The following KLRG1 variants were observed in gnomAD, a reference collection of about 807,000 sequenced individuals.
KLRG1 encodes the protein killer cell lectin-like receptor subfamily G member 1.
KLRG1 carries 16 observed loss-of-function variants against 21.8 expected under a neutral mutation model. The observed-to-expected ratio is 0.73, with a 90% CI of 0.50 to 1.11. The LOEUF (loss-of-function observed/expected upper bound fraction) is 1.11. Ranked by LOEUF, KLRG1 falls within the 50% of genes most tolerant of loss-of-function variation. KLRG1 has a pLI of 0.00. For missense variants in KLRG1, 173 were observed against 218.3 expected, an observed-to-expected ratio of 0.79 and a Z score of 1.31; for synonymous variants, 69 against 75.9, an observed-to-expected ratio of 0.91 and a Z score of 0.47.
At chr12:9,075,454 A>T in the KLRG1 span, among the ~76,000 whole-genome samples, 1 of 152,226 alleles carries the variant, frequency 6.6e-6, no homozygotes, top group Non-Finnish European at 1.5e-5. Flanking sequence ...CATAAAAAAA[A>T]TCCATGAGGA....
Position 8,958,847 on chromosome 12 carries a change from A to G in KLRG1, c.-156+8611A>G, listed in dbSNP as rs1354802942. On this transcript the variant is annotated intron_variant, in intron 1 of 4. Coordinates refer to the KLRG1 transcript ENST00000539240. Reference sequence around the variant, plus strand: ...ACTCCAGCCTGGACAACAGAGTGATACCCTGTATCAAAAAAAAAAAAAAAT... The same window carrying G: ...ACTCCAGCCTGGACAACAGAGTGATGCCCTGTATCAAAAAAAAAAAAAAAT... Among the ~76,000 whole-genome samples, 4 of 134,782 alleles carry G rather than the reference A, an allele frequency of 3.0e-5. No homozygotes were observed. In the Admixed American group the frequency reaches 3.0e-4, roughly 10 times the overall value. The allele number at this position is 134,782 out of a possible 152,430, so 88.4% of individuals were successfully genotyped here. A position where few individuals can be genotyped will look rare whatever the true frequency, so the allele number is the denominator to read the frequency against.
At chr12:9,046,613 C>A in the KLRG1 span, among the ~76,000 whole-genome samples, 5 of 152,130 alleles carry the variant, frequency 3.3e-5, no homozygotes, top group South Asian at 1.0e-3. Flanking sequence ...ATATTTAAAG[C>A]ATTGAAAGAA....
chr12:9,198,748 A>C, the KLRG1 span, among the ~76,000 whole-genome samples: 1 of 152,190 alleles, frequency 6.6e-6, no homozygotes, highest in Non-Finnish European at 1.5e-5. Context: ...CTCTGAAATT[A>C]CTTCAAATAA....
intron 1 of KLRG1, among the ~76,000 whole-genome samples, chr12:8,975,606 T>C (rs1946645369): frequency 6.6e-6 from 1 of 152,070 alleles, no homozygotes; most frequent in South Asian, 2.1e-4. Context: ...TTCTGTTGCC[T>C]AGGCTGGAGT....
the KLRG1 span, chr12:9,116,278 A>C: frequency 4.0e-6 from 1 of 248,196 alleles, no homozygotes; most frequent in East Asian, 8.9e-5. Flanking sequence ...GGGCAGGCTC[A>C]AAATAGATAT....
chr12:9,016,966 A>G, the KLRG1 span, among the ~76,000 whole-genome samples: 1 of 152,232 alleles, frequency 6.6e-6, no homozygotes, highest in East Asian at 1.9e-4. Flanking sequence ...CACTCATTCT[A>G]TGAGGCCAGT....
At chr12:9,181,944 T>C in the KLRG1 span, 1 of 1,606,620 alleles carries the variant, frequency 6.2e-7, no homozygotes, top group Non-Finnish European at 8.5e-7. Flanking sequence ...CATTTATTTG[T>C]GTTCTTTTAA....
the KLRG1 span, chr12:9,072,547 C>T: frequency 1.2e-6 from 2 of 1,601,952 alleles, no homozygotes; most frequent in Non-Finnish European, 1.7e-6. Flanking sequence ...TGTCCACGTC[C>T]CTAACCCTTT....
the KLRG1 span, chr12:9,080,112 C>T: frequency 1.3e-6 from 2 of 1,588,282 alleles, no homozygotes; most frequent in Middle Eastern, 1.7e-4. Flanking sequence ...GAGACAGAAG[C>T]TCGGGCAGAT....
At chr12:9,076,384 T>G in the KLRG1 span, among the ~76,000 whole-genome samples, 2 of 152,234 alleles carry the variant, frequency 1.3e-5, no homozygotes, top group Non-Finnish European at 2.9e-5. Context: ...AGGAAGTTAA[T>G]GACTTTCCCA....
the KLRG1 span, among the ~76,000 whole-genome samples, chr12:9,088,085 TG>T: frequency 6.6e-6 from 1 of 152,112 alleles, no homozygotes; most frequent in Non-Finnish European, 1.5e-5. Flanking sequence ...GACAGGATGC[TG>T]AGTGAAAAAC....
At chr12:8,967,348 T>A (rs1367127666) in intron 1 of KLRG1, among the ~76,000 whole-genome samples, 1 of 151,788 alleles carries the variant, frequency 6.6e-6, no homozygotes, top group African/African-American at 2.4e-5. Flanking sequence ...TTTATAATAA[T>A]AAAATAAAAT....
upstream of KLRG1, among the ~76,000 whole-genome samples, chr12:8,985,849 C>T (rs1946835209): frequency 6.6e-6 from 1 of 152,122 alleles, no homozygotes; most frequent in Non-Finnish European, 1.5e-5. Flanking sequence ...CATCAGCATT[C>T]TTGCTGCTGA....
intron 2 of KLRG1, among the ~76,000 whole-genome samples, chr12:8,992,708 AT>A (rs1011939413): frequency 2.3e-4 from 34 of 148,810 alleles, no homozygotes; most frequent in Non-Finnish European, 3.4e-4. Context: ...TATTATTATT[AT>A]TTTTTTTTTT....
At chr12:8,983,492 C>CT (rs201839439) in intron 1 of KLRG1, among the ~76,000 whole-genome samples, 3,020 of 149,396 alleles carry the variant, frequency 0.02, 97 homozygotes, top group African/African-American at 0.071. Context: ...CCTCGGCCTC[C>CT]TGGGTTCAAG....
At chr12:9,171,632 TA>T in the KLRG1 span, among the ~76,000 whole-genome samples, 1 of 152,088 alleles carries the variant, frequency 6.6e-6, no homozygotes, top group African/African-American at 2.4e-5. Context: ...ATAGCCAGTT[TA>T]GAGAGGAACA....
At chr12:8,995,360 A>G in intron 3 of KLRG1, 72 bp downstream of exon 3, 1 of 1,248,074 alleles carries the variant, frequency 8.0e-7, no homozygotes, top group East Asian at 2.4e-5. Flanking sequence ...TGCTATTTAA[A>G]TGTATCATGT....
chr12:9,192,557 A>G, the KLRG1 span: 1 of 1,614,164 alleles, frequency 6.2e-7, no homozygotes, highest in South Asian at 1.1e-5. Context: ...TGGCCTGTCT[A>G]TTCAGTGTAT....
chr12:8,966,460 A>G (rs1264126378), intron 1 of KLRG1, among the ~76,000 whole-genome samples: 2 of 152,102 alleles, frequency 1.3e-5, no homozygotes, highest in Non-Finnish European at 2.9e-5. Context: ...GCTAATATCC[A>G]GAATCTACAA....
Sources: allele counts gnomAD v4.1 joint callset (sites outside exome capture counted in the v4.1 genomes callset), GRCh38; gene constraint gnomAD v4.1.1; transcripts MANE v1.5; gene names NCBI Gene and HGNC (gene_info 2026-07-23, HGNC 2026-07-21).